DIS3L2: variants seen among roughly 807,000 people sequenced by gnomAD.
DIS3L2 encodes DIS3 like 3'-5' exoribonuclease 2, also known as DIS3-like exonuclease 2.
DIS3L2 carries 34 observed loss-of-function variants against 97.5 expected under a neutral mutation model. The ratio of observed to expected loss-of-function variants is 0.35; its 90% CI spans 0.27 to 0.46. DIS3L2 has a LOEUF of 0.46. Among genes scored for constraint, DIS3L2 ranks in the 20% least tolerant of loss-of-function variants. The probability of loss-of-function intolerance (pLI) is 1.00; values close to 1 mark genes in which losing one functional copy is unlikely to be tolerated. For missense variants in DIS3L2, 1,038 were observed against 1,146.0 expected (o/e 0.91, Z 1.36); for synonymous variants, 435 against 445.2 (o/e 0.98, Z 0.29).
At chr2:232,075,692 T>C (rs186958746) in intron 5 of DIS3L2, among the ~76,000 whole-genome samples, 1 of 152,316 alleles carries the variant, frequency 6.6e-6, no homozygotes, top group African/African-American at 2.4e-5. Flanking sequence ...ATGTAACTGC[T>C]CCTAATTTTT....
intron 10 of DIS3L2, among the ~76,000 whole-genome samples, chr2:232,222,276 G>A (rs1692527075): frequency 6.6e-6 from 1 of 150,812 alleles, no homozygotes; most frequent in Non-Finnish European, 1.5e-5. Flanking sequence ...ATTTTGAAAT[G>A]CTGAATATTT....
intron 12 of DIS3L2, among the ~76,000 whole-genome samples, chr2:232,255,187 G>A (rs1693526861): frequency 6.6e-6 from 1 of 152,220 alleles, no homozygotes; most frequent in Non-Finnish European, 1.5e-5. Context: ...ACGGGCAAGG[G>A]GTAGCCCTGC....
Position 232,163,457 on chromosome 2 carries a change from A to G in DIS3L2, c.951-2A>G. On this transcript the variant is annotated splice_acceptor_variant, in intron 8 of 20. Transcript: ENST00000325385. LOFTEE classifies it high-confidence loss of function. ...GTTATTCCGTTTCTGTTCTATCCAT[A>G]GGCAGCTGGCTAAGAGTCTTGGGCA... 1 of 1,613,538 alleles carries G rather than the reference A, an allele frequency of 6.2e-7. No individual in the cohort carries two copies. Among genetic ancestry groups the G allele is most frequent in the Non-Finnish European group, 8.5e-7 (1 of 1,179,736 alleles).
At chr2:232,049,492 G>A (rs1416899637) in intron 5 of DIS3L2, among the ~76,000 whole-genome samples, 2 of 152,038 alleles carry the variant, frequency 1.3e-5, no homozygotes, top group African/African-American at 2.4e-5. Flanking sequence ...GTGGGTTTTC[G>A]TACTCTTGCC....
chr2:232,077,041 T>C (rs1211911961), intron 5 of DIS3L2, among the ~76,000 whole-genome samples: 3 of 152,186 alleles, frequency 2.0e-5, no homozygotes, highest in African/African-American at 7.2e-5. Context: ...TTCTCCTGTG[T>C]CTCTGAACTC....
chr2:231,984,821 A>G (rs1693366550), intron 1 of DIS3L2, among the ~76,000 whole-genome samples: 1 of 151,558 alleles, frequency 6.6e-6, no homozygotes, highest in Non-Finnish European at 1.5e-5. Flanking sequence ...ACATTTCACC[A>G]TGTTGGCCAG....
chr2:232,159,526 A>G (rs1471402104), intron 8 of DIS3L2, among the ~76,000 whole-genome samples: 1 of 152,176 alleles, frequency 6.6e-6, no homozygotes, highest in African/African-American at 2.4e-5. Flanking sequence ...ATGTAGTAGG[A>G]AGCTGGTCAC....
intron 8 of DIS3L2, among the ~76,000 whole-genome samples, chr2:232,158,595 T>TC (rs1299423680): frequency 6.6e-6 from 1 of 152,172 alleles, no homozygotes; most frequent in Admixed American, 6.5e-5. Flanking sequence ...TCTTTGTTTC[T>TC]CCCCCTTTTT....
intron 8 of DIS3L2, 50 bp from the exon 9 acceptor site, chr2:232,163,409 T>C: frequency 6.3e-7 from 1 of 1,581,810 alleles, no homozygotes; most frequent in Non-Finnish European, 8.6e-7. Context: ...CAGGTACCTA[T>C]GTTCCATTTG....
At position 232,293,484 on chromosome 2, in the gene DIS3L2, C is replaced by G. The variant is rs1003749734; in HGVS notation, c.1660-6556C>G. On this transcript the variant is annotated intron_variant, in intron 13 of 20. Transcript: ENST00000325385. This position sits in a 1 kb window ranked among gnomAD's most constrained non-coding sequence, Gnocchi z 4.6. ...ACAGAGGAGGGACAGGCAGGAAGGG[C>G]TCCCCTGGAAGCAGGTGGAGCATGA... 6.6e-6 allele frequency among the ~76,000 whole-genome samples: 1 copy of G among 152,112 alleles called. No individual in the cohort carries two copies. The highest frequency in any genetic ancestry group is 2.4e-5 in the African/African-American group (1 of 41,406).
intron 5 of DIS3L2, among the ~76,000 whole-genome samples, chr2:232,083,742 G>A (rs1261879747): frequency 1.1e-4 from 17 of 152,076 alleles, no homozygotes; most frequent in African/African-American, 4.1e-4. Flanking sequence ...TGATCTGCCT[G>A]CATTGTCCTT....
chr2:232,056,757 A>C (rs1168438146), intron 5 of DIS3L2, among the ~76,000 whole-genome samples: 1 of 152,236 alleles, frequency 6.6e-6, no homozygotes, highest in Non-Finnish European at 1.5e-5. Context: ...GAAGGGCTGA[A>C]ATAAATAGGT....
intron 13 of DIS3L2, among the ~76,000 whole-genome samples, chr2:232,279,671 G>A (rs1694233801): frequency 6.6e-6 from 1 of 152,082 alleles, no homozygotes; most frequent in Non-Finnish European, 1.5e-5. Flanking sequence ...TGGGATTACA[G>A]ACAACCACCA....
chr2:232,207,195 C>A lies in DIS3L2; in HGVS notation c.1125-3131C>A, dbSNP rs75288312. Among the ~76,000 whole-genome samples, 84 of 152,200 alleles carry A rather than the reference C, an allele frequency of 5.5e-4. 1 individual carries two copies. In the East Asian group the frequency reaches 0.014, roughly 26 times the overall value. ...GTCTGACTTTTTAGTTTCAGTTATA[C>A]CAGTATTTTTTATTGAGTACTCAGT... On this transcript the variant is annotated intron_variant, in intron 9 of 20. Transcript: ENST00000325385.
chr2:232,329,785 T>TCCCGGGGCG, intron 14 of DIS3L2, 28 bp from the exon 15 acceptor site: 3 of 967,144 alleles, frequency 3.1e-6, no homozygotes, highest in Non-Finnish European at 4.4e-6. Context: ...ACCCCAGCGG[T>TCCCGGGGCG]CCCTCCCATC....
At chr2:232,238,011 T>C (rs1692980142) in intron 10 of DIS3L2, among the ~76,000 whole-genome samples, 1 of 152,066 alleles carries the variant, frequency 6.6e-6, no homozygotes. Context: ...TAAGAGTACC[T>C]TTCCCAGACC....
At chr2:232,277,033 C>A (rs978768893) in intron 13 of DIS3L2, among the ~76,000 whole-genome samples, 3 of 152,198 alleles carry the variant, frequency 2.0e-5, no homozygotes, top group African/African-American at 7.2e-5. Flanking sequence ...GAGACATCGC[C>A]TCCTTTATGA....
intron 5 of DIS3L2, among the ~76,000 whole-genome samples, chr2:232,057,175 A>G (rs80131773): frequency 3.5e-3 from 527 of 152,244 alleles, no homozygotes; most frequent in African/African-American, 0.012. Context: ...GCATAAAACT[A>G]TAGTTTTATC....
At chr2:232,225,905 T>C (rs1692632601) in intron 10 of DIS3L2, among the ~76,000 whole-genome samples, 1 of 152,014 alleles carries the variant, frequency 6.6e-6, no homozygotes, top group Non-Finnish European at 1.5e-5. Flanking sequence ...ATAAACTAGG[T>C]GAAAGAAGAC....
Sources: gnomAD v4.1 joint callset for allele counts (sites outside exome capture counted in the v4.1 genomes callset) on GRCh38, gnomAD v4.1.1 for gene constraint, Gnocchi (gnomAD v3.1) non-coding constraint, MANE v1.5 for transcripts, NCBI Gene and HGNC (gene_info 2026-07-23, HGNC 2026-07-21) for gene names.